The following RBKS variants were observed in gnomAD, a reference collection of about 807,000 sequenced individuals.
The protein encoded by RBKS is ribokinase.
In RBKS, 33 loss-of-function variants were observed where a neutral mutation model predicts 33.9. The ratio of observed to expected loss-of-function variants is 0.97; its 90% confidence interval spans 0.74 to 1.30. RBKS has a LOEUF of 1.30. RBKS is among the 50% of genes most tolerant of loss of function. The pLI is 0.00. For synonymous variants in RBKS, 125 were observed against 143.0 expected, an observed-to-expected ratio of 0.87 and a Z score of 0.90; for missense variants, 361 against 392.6, an observed-to-expected ratio of 0.92 and a Z score of 0.68.
chr2:27,868,206 A>C (rs1316522380), intron 1 of RBKS, among the ~76,000 whole-genome samples: 1 of 152,234 alleles, frequency 6.6e-6, no homozygotes, highest in Non-Finnish European at 1.5e-5. Context: ...AATCAGCATA[A>C]GACAAAATAA....
intron 7 of RBKS, among the ~76,000 whole-genome samples, chr2:27,817,653 T>C (rs951945819): frequency 6.6e-6 from 1 of 152,200 alleles, no homozygotes; most frequent in Non-Finnish European, 1.5e-5. Context: ...GATTATTTCA[T>C]TTAACTGAGG....
chr2:27,832,856 A>G, intron 5 of RBKS, 79 bp from the exon 6 acceptor site: 1 of 926,842 alleles, frequency 1.1e-6, no homozygotes, highest in East Asian at 2.4e-5. Context: ...TTCAGTAGGG[A>G]AAATCCCCGA....
At position 27,808,008 on chromosome 2, in the gene RBKS, C is replaced by G. The variant is rs578166117; in HGVS notation, c.795+19559G>C. Among the ~76,000 whole-genome samples the G allele has an allele frequency of 2.0e-5, 3 of 152,306 alleles. No individual in the cohort carries two copies. In the East Asian group the frequency reaches 5.8e-4, roughly 29 times the overall value. The stretch of plus-strand genomic sequence containing the variant: ...ACTCCTCTCTAATTTACAGCAAATG[C>G]TGACACAAATTGGTATGCCTTCTCT... On this transcript the variant is annotated intron_variant, in intron 7 of 7. Coordinates refer to ENST00000302188, the MANE Select transcript of RBKS (RefSeq NM_022128.3).
chr2:27,829,727 A>C (rs1226700759), intron 6 of RBKS, among the ~76,000 whole-genome samples: 1 of 152,142 alleles, frequency 6.6e-6, no homozygotes, highest in Non-Finnish European at 1.5e-5. Context: ...AAAACCAGGT[A>C]TTATATTGGC....
chr2:27,856,361 C>T (rs1669063643), intron 2 of RBKS, among the ~76,000 whole-genome samples: 1 of 152,214 alleles, frequency 6.6e-6, no homozygotes, highest in African/African-American at 2.4e-5. Flanking sequence ...TAAACCATCA[C>T]ACACAAATGG....
At chr2:27,874,545 A>G (rs1664276668) in intron 1 of RBKS, among the ~76,000 whole-genome samples, 1 of 152,220 alleles carries the variant, frequency 6.6e-6, no homozygotes, top group South Asian at 2.1e-4. Context: ...CAGCAGAGAG[A>G]CTGGATAACC....
intron 1 of RBKS, among the ~76,000 whole-genome samples, chr2:27,885,214 TAGAA>T (rs1168842434): frequency 6.6e-6 from 1 of 152,164 alleles, no homozygotes; most frequent in Non-Finnish European, 1.5e-5. Context: ...AAAAATATAA[TAGAA>T]AGATGCTTTC....
intron 1 of RBKS, among the ~76,000 whole-genome samples, chr2:27,883,000 C>CA (rs112438202): frequency 2.1e-3 from 301 of 146,068 alleles, no homozygotes; most frequent in African/African-American, 6.4e-3. Flanking sequence ...ACCTGGGTGA[C>CA]AAAAAAAAAA....
At chr2:27,866,313 T>C (rs1363384379) in intron 1 of RBKS, among the ~76,000 whole-genome samples, 1 of 152,184 alleles carries the variant, frequency 6.6e-6, no homozygotes, top group Non-Finnish European at 1.5e-5. Context: ...ATGTGTACCT[T>C]TTTTTTCTTA....
intron 1 of RBKS, among the ~76,000 whole-genome samples, chr2:27,860,428 A>G (rs1663950484): frequency 6.6e-6 from 1 of 152,240 alleles, no homozygotes; most frequent in Non-Finnish European, 1.5e-5. Context: ...CATGTGGCTA[A>G]AAACAGGCCA....
Position 27,795,325 on chromosome 2 carries a change from A to G in RBKS, c.796-13537T>C, listed in dbSNP as rs551957437. ...AGCCCCAAACCACAAAGAAGCAGGG[A>G]GGCTCCTGGCTGACAGGGGCCTTCG... On this transcript the variant is annotated intron_variant, in intron 7 of 7. Transcript: ENST00000302188. This position sits in a 1 kb window ranked among gnomAD's most constrained non-coding sequence, Gnocchi z 4.1. 6.6e-6 allele frequency among the ~76,000 whole-genome samples: 1 copy of G among 152,296 alleles called. No individual in the cohort carries two copies. Among genetic ancestry groups the G allele is most frequent in the African/African-American group, 2.4e-5 (1 of 41,564 alleles).
intron 7 of RBKS, among the ~76,000 whole-genome samples, chr2:27,807,905 GA>G (rs1422428411): frequency 1.3e-5 from 2 of 152,186 alleles, no homozygotes; most frequent in Admixed American, 1.3e-4. Flanking sequence ...TCACAGCAGG[GA>G]AAAAAAGAGG....
At chr2:27,801,506 C>CAT (rs1228017669) in intron 7 of RBKS, among the ~76,000 whole-genome samples, 1 of 151,042 alleles carries the variant, frequency 6.6e-6, no homozygotes, top group African/African-American at 2.4e-5. Context: ...CACACACACA[C>CAT]AAGCGGTCCC....
intron 7 of RBKS, among the ~76,000 whole-genome samples, chr2:27,784,184 C>T (rs1039862836): frequency 2.6e-5 from 4 of 151,006 alleles, no homozygotes; most frequent in Admixed American, 2.0e-4. Context: ...GGGGTTTCAC[C>T]GTTTTAGCCG....
chr2:27,848,133 GAGTT>G, intron 2 of RBKS, 36 bp from the exon 3 acceptor site: 1 of 1,222,676 alleles, frequency 8.2e-7, no homozygotes, highest in Non-Finnish European at 1.2e-6. Flanking sequence ...AGATCTTTTA[GAGTT>G]AGTAAAATGC....
intron 6 of RBKS, among the ~76,000 whole-genome samples, chr2:27,831,794 G>C (rs1343052133): frequency 6.6e-6 from 1 of 152,106 alleles, no homozygotes; most frequent in African/African-American, 2.4e-5. Flanking sequence ...CAAGCGTGGT[G>C]GTCCCAGCTA....
At chr2:27,803,893 G>A (rs1573039391) in intron 7 of RBKS, among the ~76,000 whole-genome samples, 1 of 151,754 alleles carries the variant, frequency 6.6e-6, no homozygotes, top group African/African-American at 2.4e-5. Flanking sequence ...CATAAAAAAA[G>A]TACAAAAATT....
At chr2:27,864,213 G>C (rs1664043901) in intron 1 of RBKS, among the ~76,000 whole-genome samples, 1 of 151,720 alleles carries the variant, frequency 6.6e-6, no homozygotes, top group African/African-American at 2.4e-5. Context: ...TGTAGAAATG[G>C]GGTCTCGCTA....
intron 1 of RBKS, among the ~76,000 whole-genome samples, chr2:27,884,460 T>C (rs534909387): frequency 6.6e-6 from 1 of 152,250 alleles, no homozygotes; most frequent in African/African-American, 2.4e-5. Flanking sequence ...TTGCCCAGGC[T>C]AGTCTTAACT....
Sources: gnomAD v4.1 joint callset for allele counts (sites outside exome capture counted in the v4.1 genomes callset) on GRCh38, gnomAD v4.1.1 for gene constraint, Gnocchi (gnomAD v3.1) non-coding constraint, MANE v1.5 for transcripts, NCBI Gene and HGNC (gene_info 2026-07-23, HGNC 2026-07-21) for gene names.